RYR2: variants seen among roughly 807,000 people sequenced by gnomAD.
RYR2 encodes the protein ryanodine receptor 2, also known as cardiac muscle ryanodine receptor-calcium release channel.
RYR2 carries 227 observed loss-of-function variants against 601.1 expected under a neutral mutation model. The observed-to-expected ratio is 0.38, with a 90% CI of 0.34 to 0.42. The LOEUF is 0.42. RYR2 is among the 10% of genes least tolerant of loss of function. RYR2 has a pLI of 1.00. For missense variants in RYR2, 4,646 were observed against 6,156.5 expected (o/e 0.75, Z 8.21); for synonymous variants, 2,223 against 2,175.1 (o/e 1.02, Z -0.61).
At chr1:237,287,079 A>G (rs537999865) in intron 2 of RYR2, among the ~76,000 whole-genome samples, 44 of 152,250 alleles carry the variant, frequency 2.9e-4, no homozygotes, top group African/African-American at 1.0e-3. Context: ...TTCATATATG[A>G]TGCTTAGTTT....
At chr1:237,625,369 C>T (rs1406659234) in intron 39 of RYR2, among the ~76,000 whole-genome samples, 2 of 152,110 alleles carry the variant, frequency 1.3e-5, no homozygotes, top group Non-Finnish European at 2.9e-5. Context: ...GCCCAAATAG[C>T]AGAATTGATC....
rs1679842104 is a variant in RYR2, at chr1:237,627,810, C to T, written c.6170C>T (p.Thr2057Ile). The T allele has an allele frequency of 3.1e-6, 5 of 1,598,994 alleles. No homozygotes were observed. Among genetic ancestry groups the T allele is most frequent in the Non-Finnish European group, 4.3e-6 (5 of 1,169,120 alleles). ...PVESDSKKSS[T>I]LQQLISETMV... ...AATATCCATAATGACTTTGCAGCCA[C>T]TCTGCAGCAGCTGATTTCTGAGACC... The change falls in exon 41 of 105, where the codon ACT becomes ATT. Residue 2057 changes from threonine (T) to isoleucine (I), a missense_variant. Physicochemically the swap from Thr to Ile is moderately conservative, Grantham distance 89 (BLOSUM62 -1). Transcript: ENST00000366574.
At chr1:237,558,781 C>G (rs1329909931) in intron 27 of RYR2, among the ~76,000 whole-genome samples, 1 of 151,972 alleles carries the variant, frequency 6.6e-6, no homozygotes, top group African/African-American at 2.4e-5. Context: ...CTCTGAAGCT[C>G]TGCTTGTCTT....
intron 2 of RYR2, among the ~76,000 whole-genome samples, chr1:237,278,427 T>C (rs1690526773): frequency 6.6e-6 from 1 of 151,780 alleles, no homozygotes; most frequent in Non-Finnish European, 1.5e-5. Flanking sequence ...ATAAGAGGGT[T>C]ATAGGAATAT....
intron 1 of RYR2, among the ~76,000 whole-genome samples, chr1:237,250,186 A>G (rs899199783): frequency 3.9e-5 from 6 of 152,222 alleles, no homozygotes; most frequent in African/African-American, 1.2e-4. Context: ...CACTGCTCCC[A>G]GCGTGGCTCT....
chr1:237,328,942 GTTC>G (rs1696432473), intron 2 of RYR2, among the ~76,000 whole-genome samples: 1 of 152,092 alleles, frequency 6.6e-6, no homozygotes, highest in African/African-American at 2.4e-5. Context: ...TATTTGTAAT[GTTC>G]TTCTGATATG....
chr1:237,157,546 C>T (rs565199982), intron 1 of RYR2, among the ~76,000 whole-genome samples: 15 of 151,988 alleles, frequency 9.9e-5, no homozygotes, highest in Non-Finnish European at 1.5e-4. Context: ...ATGAAATATT[C>T]GTCAGCTGTA....
rs1162744116 is a variant in RYR2, at chr1:237,467,199, T to A, written c.1613-1893T>A. 2.7e-5 allele frequency among the ~76,000 whole-genome samples: 4 copies of A among 148,150 alleles called. No individual in the cohort carries two copies. The East Asian group carries it at 5.8e-4, about 22-fold the overall frequency. ...GATATATATTATATATATACCTATA[T>A]AATTTTAGATAATACAATAGTTTAT... On this transcript the variant is annotated intron_variant, in intron 16 of 104. Transcript: ENST00000366574.
intron 84 of RYR2, among the ~76,000 whole-genome samples, chr1:237,764,176 C>T (rs769807085): frequency 3.3e-5 from 5 of 152,142 alleles, no homozygotes; most frequent in Non-Finnish European, 7.3e-5. Flanking sequence ...CCGCAACCCT[C>T]CAATGAGGTA....
At chr1:237,469,848 G>A (rs563130750) in intron 17 of RYR2, among the ~76,000 whole-genome samples, 15 of 152,280 alleles carry the variant, frequency 9.9e-5, no homozygotes, top group South Asian at 4.1e-4. Context: ...CAGTCAACCC[G>A]ATACACACAT....
At chr1:237,055,898 G>T (rs1228137847) in intron 1 of RYR2, among the ~76,000 whole-genome samples, 3 of 152,180 alleles carry the variant, frequency 2.0e-5, no homozygotes, top group Admixed American at 6.5e-5. Flanking sequence ...AGGGAAGATG[G>T]TGTGAAGATA....
chr1:237,628,921 A>C (rs1679965877), intron 41 of RYR2, among the ~76,000 whole-genome samples: 1 of 152,178 alleles, frequency 6.6e-6, no homozygotes, highest in Non-Finnish European at 1.5e-5. Flanking sequence ...TTTTCTGAGA[A>C]TTCAGCATCA....
chr1:237,479,930 A>C (rs936124423), intron 17 of RYR2, among the ~76,000 whole-genome samples: 1 of 152,202 alleles, frequency 6.6e-6, no homozygotes, highest in Non-Finnish European at 1.5e-5. Context: ...AAAGGAAACT[A>C]ATGAACCTAG....
intron 3 of RYR2, among the ~76,000 whole-genome samples, chr1:237,353,736 A>G (rs1699060599): frequency 6.6e-6 from 1 of 152,082 alleles, no homozygotes; most frequent in South Asian, 2.1e-4. Flanking sequence ...TGTTAATATG[A>G]TAGATATTTA....
At chr1:237,723,351 C>A in intron 74 of RYR2, 89 bp downstream of exon 74, 3 of 972,070 alleles carry the variant, frequency 3.1e-6, no homozygotes, top group South Asian at 1.6e-5. Context: ...TTAACTATGA[C>A]CCAAGAAACA....
chr1:237,279,214 T>C (rs1260647291), intron 2 of RYR2, among the ~76,000 whole-genome samples: 1 of 152,186 alleles, frequency 6.6e-6, no homozygotes, highest in African/African-American at 2.4e-5. Flanking sequence ...ATTGCTATAG[T>C]ATTTGGCTTG....
At chr1:237,671,835 A>G (rs1443819156) in intron 58 of RYR2, among the ~76,000 whole-genome samples, 1 of 152,018 alleles carries the variant, frequency 6.6e-6, no homozygotes, top group Non-Finnish European at 1.5e-5. Context: ...AGTGCCCCCA[A>G]ATTAGTAAAA....
At chr1:237,535,136 A>T (rs1257987936) in intron 25 of RYR2, among the ~76,000 whole-genome samples, 1 of 151,958 alleles carries the variant, frequency 6.6e-6, no homozygotes, top group Non-Finnish European at 1.5e-5. Context: ...CATGAATTGC[A>T]TATATTAAGT....
At chr1:237,721,074 T>C (rs1689681962) in intron 73 of RYR2, among the ~76,000 whole-genome samples, 1 of 152,192 alleles carries the variant, frequency 6.6e-6, no homozygotes, top group Admixed American at 6.5e-5. Flanking sequence ...TACACAGATT[T>C]TCAAAAAATG....
Sources: gnomAD v4.1 joint callset for allele counts (sites outside exome capture counted in the v4.1 genomes callset) on GRCh38, gnomAD v4.1.1 for gene constraint, MANE v1.5 for transcripts, NCBI Gene and HGNC (gene_info 2026-07-23, HGNC 2026-07-21) for gene names.